The following KLRG1 variants were observed in gnomAD, a reference collection of about 807,000 sequenced individuals.
KLRG1 encodes the protein killer cell lectin like receptor G1, also known as killer cell lectin-like receptor subfamily G member 1.
A neutral mutation model predicts 21.8 loss-of-function variants in KLRG1; 16 were observed. That is an observed-to-expected ratio of 0.73 (90% CI 0.50 to 1.11). The LOEUF (loss-of-function observed/expected upper bound fraction) is 1.11, where lower values mean the gene tolerates loss of function less well. Ranked by LOEUF, KLRG1 falls within the 50% of genes most tolerant of loss-of-function variation. The pLI, the probability that KLRG1 is intolerant of heterozygous loss-of-function variation, is 0.00. For synonymous variants in KLRG1, 69 were observed against 75.9 expected (o/e 0.91, Z 0.47); for missense variants, 173 against 218.3 (o/e 0.79, Z 1.31).
At chr12:9,158,752 C>CTTTTTTTTTTTTTTTTTTTTTTTTT in the KLRG1 span, among the ~76,000 whole-genome samples, 1 of 97,818 alleles carries the variant, frequency 1.0e-5, no homozygotes, top group Admixed American at 1.3e-4. Flanking sequence ...TTTTTCTTTT[C>CTTTTTTTTTTTTTTTTTTTTTTTTT]TTTTCTTTTT....
At chr12:9,204,109 C>T in the KLRG1 span, among the ~76,000 whole-genome samples, 1 of 152,130 alleles carries the variant, frequency 6.6e-6, no homozygotes, top group Non-Finnish European at 1.5e-5. Context: ...CAGATCAGCA[C>T]AAAAATTTTA....
At chr12:9,066,857 G>C in the KLRG1 span, 1 of 152,174 alleles carries the variant, frequency 6.6e-6, no homozygotes, top group Non-Finnish European at 1.5e-5. Context: ...CAAATGAAGA[G>C]TAGGACTCCT....
the KLRG1 span, among the ~76,000 whole-genome samples, chr12:9,179,983 C>T: frequency 0.011 from 1,717 of 152,282 alleles, 29 homozygotes; most frequent in African/African-American, 0.039. Flanking sequence ...ATCCACTTTT[C>T]TAATCTTAAA....
the KLRG1 span, chr12:9,115,651 AGAGAT>A: frequency 1.3e-6 from 1 of 767,462 alleles, no homozygotes; most frequent in East Asian, 2.6e-5. Context: ...AAGGAATCTT[AGAGAT>A]AAGAAGATGA....
At chr12:8,953,942 C>T (rs756599386) in intron 1 of KLRG1, among the ~76,000 whole-genome samples, 1 of 152,098 alleles carries the variant, frequency 6.6e-6, no homozygotes, top group Non-Finnish European at 1.5e-5. Flanking sequence ...GGGTGTGTTT[C>T]CTACCACAGG....
At chr12:9,149,057 T>C in the KLRG1 span, 3 of 1,466,540 alleles carry the variant, frequency 2.0e-6, no homozygotes, top group South Asian at 2.3e-5. Flanking sequence ...CAGTTGAGTG[T>C]GGGCAGCAGA....
At chr12:9,163,676 AC>A in the KLRG1 span, 3 of 1,613,578 alleles carry the variant, frequency 1.9e-6, no homozygotes, top group Non-Finnish European at 2.5e-6. Context: ...ACCTCCACCA[AC>A]AGGGTTTTGA....
the KLRG1 span, among the ~76,000 whole-genome samples, chr12:9,206,592 C>T: frequency 6.6e-6 from 1 of 152,118 alleles, no homozygotes; most frequent in Non-Finnish European, 1.5e-5. Flanking sequence ...CCCCTGAAAC[C>T]TTCATCTTTC....
the KLRG1 span, among the ~76,000 whole-genome samples, chr12:9,030,985 G>T: frequency 6.6e-6 from 1 of 152,250 alleles, no homozygotes; most frequent in Non-Finnish European, 1.5e-5. Flanking sequence ...CCGGCAGGGG[G>T]TAGTGAGAGA....
At chr12:9,162,646 AGCCT>A in the KLRG1 span, 1 of 1,590,736 alleles carries the variant, frequency 6.3e-7, no homozygotes, top group Admixed American at 1.7e-5. Context: ...CAATACCTTC[AGCCT>A]TGGATGAAAG....
At chr12:9,052,581 C>A in the KLRG1 span, among the ~76,000 whole-genome samples, 1 of 152,154 alleles carries the variant, frequency 6.6e-6, no homozygotes, top group East Asian at 1.9e-4. Flanking sequence ...ACACATCTGT[C>A]CTTCTGCATT....
At chr12:9,011,965 C>T (rs151201561), downstream of KLRG1, among the ~76,000 whole-genome samples, 3 of 152,292 alleles carry the variant, frequency 2.0e-5, no homozygotes, top group East Asian at 5.8e-4. Context: ...TCCCAGTGGT[C>T]GGAACCTGAG....
the KLRG1 span, chr12:9,101,267 C>T: frequency 6.7e-7 from 1 of 1,497,574 alleles, no homozygotes; most frequent in Non-Finnish European, 9.1e-7. Context: ...TTCAGTCTCA[C>T]TTCAATATAC....
At chr12:9,001,623 C>T (rs781764713) in intron 3 of KLRG1, among the ~76,000 whole-genome samples, 1 of 152,324 alleles carries the variant, frequency 6.6e-6, no homozygotes, top group African/African-American at 2.4e-5. Flanking sequence ...CTCCTTTTCT[C>T]TGGCTGTCCA....
the KLRG1 span, chr12:9,156,058 T>G: frequency 4.7e-6 from 1 of 212,848 alleles, no homozygotes; most frequent in South Asian, 9.0e-5. Flanking sequence ...GTTTCTGAGA[T>G]TAGAAAGAGT....
At chr12:9,169,334 A>G in the KLRG1 span, 1 of 1,202,574 alleles carries the variant, frequency 8.3e-7, no homozygotes, top group Middle Eastern at 2.8e-4. Context: ...TGGAGAGGCA[A>G]GGCTACATAA....
the KLRG1 span, among the ~76,000 whole-genome samples, chr12:9,087,267 T>C: frequency 1.3e-5 from 2 of 152,130 alleles, no homozygotes; most frequent in Admixed American, 1.3e-4. Flanking sequence ...ATCATAAGTG[T>C]CATCAACAGA....
At chr12:9,045,966 T>C in the KLRG1 span, among the ~76,000 whole-genome samples, 1 of 152,072 alleles carries the variant, frequency 6.6e-6, no homozygotes, top group Non-Finnish European at 1.5e-5. Context: ...TTCTCACTTA[T>C]AAGTGGGAGC....
chr12:9,109,715 G>T, the KLRG1 span, among the ~76,000 whole-genome samples: 1 of 152,326 alleles, frequency 6.6e-6, no homozygotes, highest in African/African-American at 2.4e-5. Flanking sequence ...ACAGATCACT[G>T]ATGTCCTCAT....
Sources: allele counts gnomAD v4.1 joint callset (sites outside exome capture counted in the v4.1 genomes callset), GRCh38; gene constraint gnomAD v4.1.1; transcripts MANE v1.5; gene names NCBI Gene and HGNC (gene_info 2026-07-23, HGNC 2026-07-21).